Variants in CCDC178 observed in about 807,000 individuals in gnomAD.
CCDC178 encodes the protein coiled-coil domain containing 178.
A neutral mutation model predicts 117.4 loss-of-function variants in CCDC178; 126 were observed. That is an observed-to-expected ratio of 1.07 (90% CI 0.93 to 1.24). The LOEUF (loss-of-function observed/expected upper bound fraction) is 1.24, where lower values mean the gene tolerates loss of function less well. CCDC178 is among the 50% of genes most tolerant of loss of function. The pLI is 0.00. For synonymous variants in CCDC178, 283 were observed against 313.4 expected (o/e 0.90, Z 1.02); for missense variants, 1,030 against 986.9 (o/e 1.04, Z -0.59).
intron 19 of CCDC178, among the ~76,000 whole-genome samples, chr18:33,213,458 T>G (rs765487052): frequency 2.0e-5 from 3 of 151,930 alleles, no homozygotes; most frequent in South Asian, 4.1e-4. Context: ...GCCAATGATA[T>G]TGACATCTTG....
intron 10 of CCDC178, among the ~76,000 whole-genome samples, chr18:33,330,818 G>C (rs1456148262): frequency 6.6e-6 from 1 of 152,150 alleles, no homozygotes; most frequent in South Asian, 2.1e-4. Context: ...AAGACCTTCA[G>C]TTGATTGCAC....
chr18:33,099,505 G>C (rs185529367), intron 20 of CCDC178, among the ~76,000 whole-genome samples: 1 of 152,082 alleles, frequency 6.6e-6, no homozygotes, highest in Admixed American at 6.6e-5. Context: ...CGGGCTCCAA[G>C]TCTGTTTGTG....
chr18:33,138,974 G>A (rs1022672691), intron 20 of CCDC178, among the ~76,000 whole-genome samples: 2 of 152,186 alleles, frequency 1.3e-5, no homozygotes, highest in African/African-American at 2.4e-5. Context: ...AAATCATATC[G>A]TGAATTGTAA....
intron 2 of CCDC178, among the ~76,000 whole-genome samples, chr18:33,427,168 A>C (rs929219255): frequency 3.3e-5 from 5 of 152,132 alleles, no homozygotes; most frequent in African/African-American, 1.2e-4. Flanking sequence ...ACAATAAAGA[A>C]AAATGATTTT....
At chr18:33,394,640 C>A (rs1403200569) in intron 4 of CCDC178, among the ~76,000 whole-genome samples, 3 of 151,580 alleles carry the variant, frequency 2.0e-5, no homozygotes, top group Admixed American at 6.6e-5. Context: ...TACAAAATTT[C>A]TCAGTTTTAT....
intron 21 of CCDC178, among the ~76,000 whole-genome samples, chr18:33,067,911 CAAAG>C (rs1276108380): frequency 2.0e-5 from 3 of 151,092 alleles, no homozygotes; most frequent in Admixed American, 1.3e-4. Context: ...TTTGAAGAGA[CAAAG>C]AACATCAAAA....
At chr18:33,298,617 G>A (rs1414113231) in intron 11 of CCDC178, among the ~76,000 whole-genome samples, 1 of 152,102 alleles carries the variant, frequency 6.6e-6, no homozygotes, top group Admixed American at 6.5e-5. Flanking sequence ...CCTAATACTG[G>A]AAGTCCTAGC....
rs1555656271 is a variant in CCDC178, at chr18:33,179,078, A to ATATATATAT, written c.2238+32817_2238+32818insATATATATA. On this transcript the variant is annotated intron_variant, in intron 20 of 22. Coordinates refer to ENST00000383096, the MANE Select transcript of CCDC178 (RefSeq NM_001105528.4). The stretch of plus-strand genomic sequence containing the variant: ...ACTCAGTAAAAAAAAAAAAAAAAAA[A>ATATATATAT]ATATATATATATATATATATATATA... Among the ~76,000 whole-genome samples the ATATATATAT allele has an allele frequency of 3.8e-4, 21 of 55,824 alleles. 1 individual carries two copies. The highest frequency in any genetic ancestry group is 1.2e-3 in the African/African-American group (11 of 8,840). The allele number at this position is 55,824 out of a possible 152,430, so 36.6% of individuals were successfully genotyped here.
rs1409751274 is a variant in CCDC178 at position 33,378,955 on chromosome 18, T to C, written c.209-8766A>G. 2.0e-5 allele frequency among the ~76,000 whole-genome samples: 3 copies of C among 151,780 alleles called. No individual in the cohort carries two copies. In the East Asian group the frequency reaches 5.8e-4, roughly 29 times the overall value. ...TCAGGGTGATGTTGGCTTTGTAGAA[T>C]TAGTTTGGGAGGAGTCTTTCCACTT... On this transcript the variant is annotated intron_variant, in intron 5 of 22. Transcript: ENST00000383096.
intron 2 of CCDC178, among the ~76,000 whole-genome samples, chr18:33,412,675 T>C (rs1311487023): frequency 2.6e-5 from 4 of 152,176 alleles, no homozygotes; most frequent in Non-Finnish European, 4.4e-5. Flanking sequence ...TATCATATTA[T>C]TGTATCTGTA....
intron 20 of CCDC178, among the ~76,000 whole-genome samples, chr18:33,178,350 CTCTT>C (rs2058688346): frequency 6.6e-6 from 1 of 152,130 alleles, no homozygotes; most frequent in Admixed American, 6.6e-5. Flanking sequence ...TTCCTTTCTT[CTCTT>C]TATTTATCCC....
chr18:33,029,264 C>CA (rs2056287749), intron 21 of CCDC178, among the ~76,000 whole-genome samples: 2 of 151,920 alleles, frequency 1.3e-5, no homozygotes, highest in Non-Finnish European at 2.9e-5. Context: ...TCTAGGAATA[C>CA]ATGAGTCTCA....
intron 12 of CCDC178, among the ~76,000 whole-genome samples, chr18:33,285,975 A>ATTTTTT (rs60956262): frequency 7.2e-6 from 1 of 138,084 alleles, no homozygotes; most frequent in Non-Finnish European, 1.5e-5. Context: ...AGCAATGTGT[A>ATTTTTT]TTTTTTTTTT....
intron 22 of CCDC178, among the ~76,000 whole-genome samples, chr18:32,956,136 A>T (rs1478069040): frequency 6.6e-6 from 1 of 152,146 alleles, no homozygotes; most frequent in Non-Finnish European, 1.5e-5. Context: ...AAAGATAAAA[A>T]CAATCAGAAT....
At chr18:32,939,470 G>A (rs1196807634) in intron 22 of CCDC178, among the ~76,000 whole-genome samples, 4 of 152,058 alleles carry the variant, frequency 2.6e-5, no homozygotes, top group Admixed American at 1.3e-4. Context: ...ATAGTCAAAC[G>A]TGGTATAAAT....
chr18:33,135,108 C>A (rs1747174366), intron 20 of CCDC178, among the ~76,000 whole-genome samples: 2 of 151,872 alleles, frequency 1.3e-5, no homozygotes, highest in South Asian at 4.1e-4. Context: ...AAGTTATAAT[C>A]TTTGTCTAAA....
intron 9 of CCDC178, among the ~76,000 whole-genome samples, chr18:33,335,025 A>G (rs935239378): frequency 6.6e-6 from 1 of 152,012 alleles, no homozygotes; most frequent in Non-Finnish European, 1.5e-5. Context: ...TCAGTTATAC[A>G]TTCTCACTGT....
rs537030879 is a variant in CCDC178, at chr18:33,003,221, C to A, written c.2389-28540G>T. Among the ~76,000 whole-genome samples, 602 of 151,008 alleles carry A rather than the reference C, an allele frequency of 4.0e-3. 6 individuals are homozygous for A. The highest frequency in any genetic ancestry group is 0.014 in the African/African-American group (576 of 41,236). ...ATACCAAAACCTGACAAAGATGCAC[C>A]AAAAAAAAGAAAAGAAAAACTACAA... is the stretch of plus-strand genomic sequence containing the variant. On this transcript the variant is annotated intron_variant, in intron 21 of 22. Transcript: ENST00000383096.
At chr18:33,257,173 A>G (rs2059690954) in intron 14 of CCDC178, among the ~76,000 whole-genome samples, 1 of 152,026 alleles carries the variant, frequency 6.6e-6, no homozygotes, top group Non-Finnish European at 1.5e-5. Context: ...GCTGAGCAGG[A>G]TAACTTTTCT....
Sources: allele counts gnomAD v4.1 joint callset (sites outside exome capture counted in the v4.1 genomes callset), GRCh38; gene constraint gnomAD v4.1.1; transcripts MANE v1.5; gene names NCBI Gene and HGNC (gene_info 2026-07-23, HGNC 2026-07-21).